The following LGR5 variants were observed in gnomAD, a reference collection of about 807,000 sequenced individuals.
The protein encoded by LGR5 is leucine rich repeat containing G protein-coupled receptor 5.
Under a neutral mutation model 76.7 loss-of-function variants are expected in LGR5, and 54 were observed. That is an observed-to-expected ratio of 0.70 (90% CI 0.57 to 0.88). The LOEUF (loss-of-function observed/expected upper bound fraction) is 0.88, where lower values mean the gene tolerates loss of function less well. Among genes scored for constraint, LGR5 ranks in the 40% least tolerant of loss-of-function variants. The pLI is 0.00. For synonymous variants in LGR5, 406 were observed against 421.9 expected, an observed-to-expected ratio of 0.96 and a Z score of 0.46; for missense variants, 1,078 against 1,073.3, an observed-to-expected ratio of 1.00 and a Z score of -0.06.
intron 15 of LGR5, among the ~76,000 whole-genome samples, 155 bp from the exon 16 acceptor site, chr12:71,580,123 A>T (rs1403622669): frequency 6.6e-6 from 1 of 152,196 alleles, no homozygotes; most frequent in Non-Finnish European, 1.5e-5. Context: ...TATAAATAGC[A>T]CTGTAATGAA....
At chr12:71,445,374 T>C (rs1445920788) in intron 1 of LGR5, among the ~76,000 whole-genome samples, 1 of 152,204 alleles carries the variant, frequency 6.6e-6, no homozygotes, top group Non-Finnish European at 1.5e-5. Context: ...CTATTTTTGA[T>C]GTATCTTGGT....
chr12:71,525,299 T>C (rs1234416723), intron 3 of LGR5, among the ~76,000 whole-genome samples: 1 of 152,154 alleles, frequency 6.6e-6, no homozygotes, highest in Non-Finnish European at 1.5e-5. Flanking sequence ...GTTTATTCAA[T>C]TTAATATTTT....
chr12:71,564,907 C>A (rs537675890), intron 8 of LGR5, among the ~76,000 whole-genome samples: 1 of 150,076 alleles, frequency 6.7e-6, no homozygotes, highest in Admixed American at 6.7e-5. Context: ...TATGTATACC[C>A]ACACACTATA....
At chr12:71,451,801 T>C (rs1158688362) in intron 1 of LGR5, among the ~76,000 whole-genome samples, 2 of 152,208 alleles carry the variant, frequency 1.3e-5, no homozygotes, top group African/African-American at 4.8e-5. Context: ...TTGCTGCTCC[T>C]AGAGAGACTG....
intron 1 of LGR5, among the ~76,000 whole-genome samples, chr12:71,463,897 C>T (rs1872765509): frequency 6.6e-6 from 1 of 151,872 alleles, no homozygotes; most frequent in South Asian, 2.1e-4. Flanking sequence ...TGTAAAAGGT[C>T]TTGATCCTGC....
chr12:71,561,762 A>T lies in LGR5; in HGVS notation c.786-19A>T. 1 of 1,525,978 alleles carries T rather than the reference A, an allele frequency of 6.6e-7. No homozygotes were observed. The highest frequency in any genetic ancestry group is 9.0e-7 in the Non-Finnish European group (1 of 1,117,266). The allele number at this position is 1,525,978 out of a possible 1,614,324, so 94.5% of individuals were successfully genotyped here. ...TTTACCCCACACAGGATTTTTTATA[A>T]TTTTTTTTCTCTTTCTAGAGGATTT... On this transcript the variant is annotated intron_variant, in intron 7 of 17. Transcript: ENST00000266674.
chr12:71,557,146 C>T (rs904262130), intron 6 of LGR5, among the ~76,000 whole-genome samples: 5 of 152,028 alleles, frequency 3.3e-5, no homozygotes, highest in Non-Finnish European at 5.9e-5. Flanking sequence ...AGGGACTGGG[C>T]GTGGTGACTC....
chr12:71,490,096 C>T (rs1874000306), intron 1 of LGR5, among the ~76,000 whole-genome samples: 1 of 150,582 alleles, frequency 6.6e-6, no homozygotes, highest in Admixed American at 6.6e-5. Context: ...CACCACTATC[C>T]TCCAGCCTGG....
At chr12:71,566,503 C>T in intron 9 of LGR5, 28 bp downstream of exon 9, 1 of 1,562,428 alleles carries the variant, frequency 6.4e-7, no homozygotes, top group Non-Finnish European at 8.8e-7. Flanking sequence ...TTATGGATCA[C>T]TTTCCCTCTA....
intron 1 of LGR5, among the ~76,000 whole-genome samples, chr12:71,490,753 G>A (rs148215884): frequency 2.9e-4 from 44 of 152,004 alleles, no homozygotes; most frequent in East Asian, 1.9e-3. Flanking sequence ...GACTCCCAAG[G>A]CCTAACCATC....
rs146159845 is a variant in LGR5, at chr12:71,529,333, T to C, written c.356+4856T>C. Among the ~76,000 whole-genome samples the C allele has an allele frequency of 3.7e-3, 565 of 152,242 alleles. 3 individuals carry two copies. The highest frequency in any genetic ancestry group is 0.02 in the Middle Eastern group (6 of 294). ...ATGGCAGAAGCAGCAAGGTATGTCC[T>C]ACATGGCATCAGGAGAGAGAGAGCG... On this transcript the variant is annotated intron_variant, in intron 3 of 17. Coordinates refer to ENST00000266674, the MANE Select transcript of LGR5 (RefSeq NM_003667.4).
At chr12:71,484,226 A>T (rs560752994) in intron 1 of LGR5, among the ~76,000 whole-genome samples, 1 of 152,278 alleles carries the variant, frequency 6.6e-6, no homozygotes, top group South Asian at 2.1e-4. Flanking sequence ...ATAGAACCTT[A>T]GGGTATTCCT....
chr12:71,457,654 G>A (rs939972900), intron 1 of LGR5, among the ~76,000 whole-genome samples: 11 of 152,146 alleles, frequency 7.2e-5, no homozygotes, highest in African/African-American at 2.7e-4. Context: ...GTTACCAAAG[G>A]TGACTTATAA....
Position 71,462,618 on chromosome 12 carries a change from T to C in LGR5, c.212+22326T>C, listed in dbSNP as rs558961404. On this transcript the variant is annotated intron_variant, in intron 1 of 17. Transcript: ENST00000266674. ...GGCTGGGAGTAATCGTCTCACCCAA[T>C]AGATGCCAGTCATCTTTTATGGTGC... 4.6e-5 allele frequency among the ~76,000 whole-genome samples: 7 copies of C among 152,234 alleles called. No individual in the cohort carries two copies. In the South Asian group the frequency reaches 1.5e-3, roughly 32 times the overall value.
intron 4 of LGR5, among the ~76,000 whole-genome samples, chr12:71,537,637 T>C (rs1876667357): frequency 6.6e-6 from 1 of 152,224 alleles, no homozygotes; most frequent in African/African-American, 2.4e-5. Context: ...AAAGTTCTAT[T>C]GTCCTGGTTT....
intron 1 of LGR5, among the ~76,000 whole-genome samples, chr12:71,476,013 T>G (rs2137251382): frequency 6.6e-6 from 1 of 152,232 alleles, no homozygotes; most frequent in South Asian, 2.1e-4. Context: ...CACGCAGGGT[T>G]CCTCTGTTAA....
intron 4 of LGR5, among the ~76,000 whole-genome samples, chr12:71,546,397 C>T (rs999592927): frequency 6.6e-5 from 10 of 152,022 alleles, no homozygotes; most frequent in Admixed American, 1.3e-4. Context: ...ATGACAGAAC[C>T]GCATTCACAG....
intron 5 of LGR5, among the ~76,000 whole-genome samples, chr12:71,555,028 GTA>G (rs1484256821): frequency 1.3e-5 from 2 of 151,958 alleles, no homozygotes; most frequent in Non-Finnish European, 1.5e-5. Flanking sequence ...TTGCACTGTA[GTA>G]TATACTCCTT....
intron 1 of LGR5, among the ~76,000 whole-genome samples, chr12:71,450,056 G>A (rs1238453613): frequency 1.3e-5 from 2 of 152,154 alleles, no homozygotes; most frequent in African/African-American, 2.4e-5. Context: ...CTAATCCAAC[G>A]TCTTTATTTC....
Sources: allele counts gnomAD v4.1 joint callset (sites outside exome capture counted in the v4.1 genomes callset), GRCh38; gene constraint gnomAD v4.1.1; transcripts MANE v1.5; gene names NCBI Gene and HGNC (gene_info 2026-07-23, HGNC 2026-07-21).